The following UNC5D variants were observed in gnomAD, a reference collection of about 807,000 sequenced individuals.
UNC5D encodes netrin receptor UNC5D.
UNC5D carries 39 observed loss-of-function variants against 105.4 expected under a neutral mutation model. The ratio of observed to expected loss-of-function variants is 0.37; its 90% CI spans 0.29 to 0.48. The LOEUF is 0.48. UNC5D is among the 20% of genes least tolerant of loss of function. UNC5D has a pLI of 0.98. For missense variants in UNC5D, 991 were observed against 1,202.4 expected (o/e 0.82, Z 2.60); for synonymous variants, 452 against 450.4 (o/e 1.00, Z -0.04).
At chr8:35,615,107 C>T (rs1007197734) in intron 4 of UNC5D, among the ~76,000 whole-genome samples, 6 of 144,144 alleles carry the variant, frequency 4.2e-5, no homozygotes, top group Admixed American at 7.4e-5. Context: ...GGCATGGTGG[C>T]GCACACATGT....
At chr8:35,312,964 T>G (rs187405075) in intron 1 of UNC5D, among the ~76,000 whole-genome samples, 1 of 152,308 alleles carries the variant, frequency 6.6e-6, no homozygotes, top group Non-Finnish European at 1.5e-5. Context: ...CACATGACCG[T>G]TTTGTATCAG....
At chr8:35,347,349 T>C (rs1184635554) in intron 1 of UNC5D, among the ~76,000 whole-genome samples, 1 of 148,462 alleles carries the variant, frequency 6.7e-6, no homozygotes, top group African/African-American at 2.6e-5. Flanking sequence ...TTCTTTGTCA[T>C]ATTTTGAGGA....
chr8:35,308,650 C>T (rs1808625275), intron 1 of UNC5D, among the ~76,000 whole-genome samples: 1 of 152,134 alleles, frequency 6.6e-6, no homozygotes, highest in South Asian at 2.1e-4. Flanking sequence ...ATGACACTTC[C>T]TGAGAAGGGA....
intron 1 of UNC5D, among the ~76,000 whole-genome samples, chr8:35,298,520 A>G (rs1807670069): frequency 6.6e-6 from 1 of 150,736 alleles, no homozygotes; most frequent in South Asian, 2.1e-4. Context: ...TTGTACTGTC[A>G]CCACCTGACT....
chr8:35,482,408 C>A (rs951762967), intron 1 of UNC5D, among the ~76,000 whole-genome samples: 3 of 152,184 alleles, frequency 2.0e-5, no homozygotes, highest in Non-Finnish European at 4.4e-5. Context: ...AGCCTACGTG[C>A]TGACATTGTT....
chr8:35,315,920 GT>G (rs1403620880), intron 1 of UNC5D, among the ~76,000 whole-genome samples: 7 of 152,274 alleles, frequency 4.6e-5, no homozygotes, highest in Admixed American at 3.9e-4. Flanking sequence ...GTATGCTATT[GT>G]AAGAAGTTGG....
chr8:35,540,444 G>GGT (rs11467586), intron 1 of UNC5D, among the ~76,000 whole-genome samples: 11,407 of 142,704 alleles, frequency 0.08, 421 homozygotes, highest in East Asian at 0.089. Context: ...AAAGCAGAGG[G>GGT]GTGTGTGTGT....
intron 1 of UNC5D, among the ~76,000 whole-genome samples, chr8:35,537,467 A>C (rs1161810031): frequency 6.6e-6 from 1 of 152,092 alleles, no homozygotes; most frequent in Non-Finnish European, 1.5e-5. Flanking sequence ...ATCATTTGGC[A>C]CCAGGAGTTC....
intron 1 of UNC5D, among the ~76,000 whole-genome samples, chr8:35,513,873 A>T (rs1812941241): frequency 6.6e-6 from 1 of 152,238 alleles, no homozygotes; most frequent in Non-Finnish European, 1.5e-5. Flanking sequence ...AAACCAAATG[A>T]TGCAGTAAAC....
intron 1 of UNC5D, among the ~76,000 whole-genome samples, chr8:35,452,241 G>C (rs191984850): frequency 1.3e-5 from 2 of 152,160 alleles, no homozygotes; most frequent in Admixed American, 1.3e-4. Flanking sequence ...GTGCAGAAAA[G>C]AAAATTCTAA....
intron 1 of UNC5D, among the ~76,000 whole-genome samples, chr8:35,405,354 C>T (rs911179315): frequency 6.6e-6 from 1 of 152,140 alleles, no homozygotes; most frequent in Non-Finnish European, 1.5e-5. Context: ...TAACATGTTG[C>T]ATTTTTCTGA....
chr8:35,382,534 A>G (rs1347103701), intron 1 of UNC5D, among the ~76,000 whole-genome samples: 1 of 152,238 alleles, frequency 6.6e-6, no homozygotes. Context: ...TATTATTTAT[A>G]AAAGTACAGT....
chr8:35,251,463 G>C (rs555727413), intron 1 of UNC5D, among the ~76,000 whole-genome samples: 1 of 152,284 alleles, frequency 6.6e-6, no homozygotes, highest in South Asian at 2.1e-4. Flanking sequence ...AGATTTGGGT[G>C]GGGACACAGA....
At chr8:35,273,529 A>G (rs561414938) in intron 1 of UNC5D, among the ~76,000 whole-genome samples, 1 of 152,352 alleles carries the variant, frequency 6.6e-6, no homozygotes, top group Non-Finnish European at 1.5e-5. Flanking sequence ...GTGTAAGTCA[A>G]TCTGAATTGT....
intron 4 of UNC5D, among the ~76,000 whole-genome samples, chr8:35,629,225 A>T (rs1003981356): frequency 6.6e-6 from 1 of 152,182 alleles, no homozygotes; most frequent in Non-Finnish European, 1.5e-5. Flanking sequence ...TAAATTGTTC[A>T]TAATATCCAT....
intron 3 of UNC5D, among the ~76,000 whole-genome samples, chr8:35,569,117 G>C (rs1020175346): frequency 6.6e-6 from 1 of 151,012 alleles, no homozygotes; most frequent in Non-Finnish European, 1.5e-5. Flanking sequence ...CTTTTCAGAA[G>C]GGTCCAATAT....
At chr8:35,500,884 T>TA (rs1811920658) in intron 1 of UNC5D, among the ~76,000 whole-genome samples, 2 of 152,190 alleles carry the variant, frequency 1.3e-5, no homozygotes, top group African/African-American at 4.8e-5. Context: ...ATGTTTTAGT[T>TA]AAAAATAAGA....
chr8:35,384,778 C>CT, intron 1 of UNC5D, among the ~76,000 whole-genome samples: 1 of 152,206 alleles, frequency 6.6e-6, no homozygotes, highest in South Asian at 2.1e-4. Flanking sequence ...ATCTACCTGC[C>CT]ATAAGTGTAT....
intron 1 of UNC5D, among the ~76,000 whole-genome samples, chr8:35,268,766 A>G (rs926096262): frequency 1.3e-5 from 2 of 152,188 alleles, no homozygotes; most frequent in Non-Finnish European, 2.9e-5. Flanking sequence ...CACCCCTATG[A>G]AAATGATACT....
Sources: gnomAD v4.1 joint callset for allele counts (sites outside exome capture counted in the v4.1 genomes callset) on GRCh38, gnomAD v4.1.1 for gene constraint, MANE v1.5 for transcripts, NCBI Gene and HGNC (gene_info 2026-07-23, HGNC 2026-07-21) for gene names.